Variants in SP100 observed in about 807,000 individuals in gnomAD.
SP100 encodes SP100 nuclear body protein.
In SP100, 84 loss-of-function variants were observed where a neutral mutation model predicts 130.0. That is an observed-to-expected ratio of 0.65 (90% CI 0.54 to 0.77). SP100 has a LOEUF of 0.77. SP100 is among the 30% of genes least tolerant of loss of function. SP100 has a pLI of 0.00. For synonymous variants in SP100, 331 were observed against 351.7 expected (o/e 0.94, Z 0.66); for missense variants, 978 against 1,052.2 (o/e 0.93, Z 0.97).
At chr2:230,443,165 C>G in intron 3 of SP100, 66 bp downstream of exon 3, 1 of 1,514,544 alleles carries the variant, frequency 6.6e-7, no homozygotes, top group Non-Finnish European at 9.1e-7. Flanking sequence ...CTTTGATATC[C>G]TAGACCAAAA....
chr2:230,502,290 G>A (rs1231445619), intron 19 of SP100, among the ~76,000 whole-genome samples: 4 of 152,178 alleles, frequency 2.6e-5, no homozygotes, highest in Non-Finnish European at 4.4e-5. Flanking sequence ...CATTGGGTTA[G>A]TTTTTAAGTC....
intron 17 of SP100, among the ~76,000 whole-genome samples, chr2:230,485,150 A>G (rs751139373): frequency 6.6e-6 from 1 of 151,278 alleles, no homozygotes. Flanking sequence ...ATGGGGTATC[A>G]CTATGTTGCC....
At chr2:230,423,894 C>T (rs535617195) in intron 2 of SP100, among the ~76,000 whole-genome samples, 1 of 152,246 alleles carries the variant, frequency 6.6e-6, no homozygotes, top group East Asian at 1.9e-4. Context: ...TTAAGATTTC[C>T]ATTTGTGAGA....
In SP100 at chr2:230,462,529, T is replaced by C. The variant is rs2064711066; in HGVS notation, c.1057+11T>C. Reference sequence around the variant, plus strand: ...CGAGAAGTGAGCCTGGTAAGGAAGTTTGGGAGAGCAAGGCTTGGGCTGTGG... The same window carrying C: ...CGAGAAGTGAGCCTGGTAAGGAAGTCTGGGAGAGCAAGGCTTGGGCTGTGG... On this transcript the variant is annotated intron_variant, in intron 10 of 28. Transcript: ENST00000340126. 3 of 1,604,536 alleles carry C rather than the reference T, an allele frequency of 1.9e-6. No homozygotes were observed. The highest frequency in any genetic ancestry group is 2.6e-6 in the Non-Finnish European group (3 of 1,171,608).
chr2:230,506,332 G>A lies in SP100; in HGVS notation c.1900G>A (p.Asp634Asn), dbSNP rs753762414. 11 of 1,613,784 alleles carry A rather than the reference G, an allele frequency of 6.8e-6. No individual in the cohort carries two copies. Among genetic ancestry groups the A allele is most frequent in the Non-Finnish European group, 8.5e-6 (10 of 1,179,820 alleles). The change falls in exon 22 of 29, where the codon GAT (aspartate) becomes AAT (asparagine). Residue 634 changes from aspartate to asparagine, a missense_variant. By Grantham distance (23) the Asp-to-Asn change is conservative (BLOSUM62 1). Coordinates refer to ENST00000340126, the MANE Select transcript of SP100 (RefSeq NM_001080391.2). ...CTCAAAGAAGTGTATACAGAGTGAG[G>A]ATAAAAAGTGGTTCACTCCCAGGGA... ...GTSKKCIQSE[D>N]KKWFTPREFE... is the part of the protein sequence containing the mutation.
In SP100 at chr2:230,470,117, C is replaced by T; in HGVS notation, c.1429+19C>T. 1 of 1,596,174 alleles carries T rather than the reference C, an allele frequency of 6.3e-7. No individual in the cohort carries two copies. The highest frequency in any genetic ancestry group is 8.5e-7 in the Non-Finnish European group (1 of 1,170,904). The stretch of plus-strand genomic sequence containing the variant: ...GGGTCAGGTAAAGAAGATTAGGATG[C>T]CAAGACTTGGCCTGCAGAATGTCAG... On this transcript the variant is annotated intron_variant, in intron 15 of 28. Transcript: ENST00000340126.
chr2:230,441,910 C>T (rs2063484898), intron 2 of SP100, among the ~76,000 whole-genome samples: 1 of 152,222 alleles, frequency 6.6e-6, no homozygotes, highest in Non-Finnish European at 1.5e-5. Context: ...TTGCAACTAG[C>T]ACTTTTCTGA....
chr2:230,517,224 A>C (rs1265400001), intron 24 of SP100, among the ~76,000 whole-genome samples: 1 of 152,200 alleles, frequency 6.6e-6, no homozygotes, highest in Non-Finnish European at 1.5e-5. Flanking sequence ...GGCCAAAAAA[A>C]CAATTTAGGA....
intron 7 of SP100, 125 bp downstream of exon 7, chr2:230,449,835 A>G: frequency 1.0e-6 from 1 of 973,680 alleles, no homozygotes. Context: ...TCACATAGAC[A>G]CAGAGGGGGC....
intron 4 of SP100, among the ~76,000 whole-genome samples, chr2:230,446,453 A>T (rs1034131339): frequency 6.6e-6 from 1 of 152,214 alleles, no homozygotes; most frequent in Admixed American, 6.5e-5. Flanking sequence ...CTGGCTGATT[A>T]TAAAAAAGTG....
intron 8 of SP100, among the ~76,000 whole-genome samples, chr2:230,452,716 GT>G (rs1421313968): frequency 1.3e-5 from 2 of 150,914 alleles, no homozygotes; most frequent in Non-Finnish European, 3.0e-5. Flanking sequence ...TTCTTGATAT[GT>G]TTTTCAGAGA....
At chr2:230,462,312 C>A in intron 9 of SP100, 123 bp from the exon 10 acceptor site, 1 of 687,852 alleles carries the variant, frequency 1.5e-6, no homozygotes, top group Non-Finnish European at 2.6e-6. Flanking sequence ...CAAGGAACAC[C>A]CCAGGGTCTT....
intron 13 of SP100, among the ~76,000 whole-genome samples, chr2:230,467,737 T>A (rs1035992707): frequency 3.9e-5 from 6 of 152,354 alleles, no homozygotes; most frequent in Middle Eastern, 3.4e-3. Flanking sequence ...ACATGGGAAT[T>A]CAAGATGAGA....
chr2:230,435,211 T>C (rs772664920), intron 2 of SP100, among the ~76,000 whole-genome samples: 4 of 152,200 alleles, frequency 2.6e-5, no homozygotes, highest in African/African-American at 4.8e-5. Flanking sequence ...ATCTAATGGG[T>C]GAGAAATGGT....
chr2:230,418,050 G>T (rs1054992470), intron 2 of SP100, among the ~76,000 whole-genome samples: 1 of 152,208 alleles, frequency 6.6e-6, no homozygotes, highest in African/African-American at 2.4e-5. Flanking sequence ...CTGTGTTAAG[G>T]TGGCAGATTC....
At chr2:230,459,246 A>G (rs1229694904) in intron 8 of SP100, among the ~76,000 whole-genome samples, 1 of 152,188 alleles carries the variant, frequency 6.6e-6, no homozygotes. Flanking sequence ...ATTGGTAGAG[A>G]GTGGATCATG....
chr2:230,490,442 A>C (rs996281926), intron 17 of SP100, among the ~76,000 whole-genome samples: 1 of 151,474 alleles, frequency 6.6e-6, no homozygotes, highest in Non-Finnish European at 1.5e-5. Context: ...TCTTGACTCT[A>C]TCCAGTTTGC....
intron 19 of SP100, among the ~76,000 whole-genome samples, chr2:230,501,692 C>T (rs1486721046): frequency 4.6e-5 from 7 of 152,064 alleles, no homozygotes; most frequent in Non-Finnish European, 8.8e-5. Context: ...GACCCAAATC[C>T]ACACCCTATG....
chr2:230,482,621 A>C (rs2065886256), intron 17 of SP100, among the ~76,000 whole-genome samples: 1 of 151,876 alleles, frequency 6.6e-6, no homozygotes, highest in African/African-American at 2.4e-5. Flanking sequence ...AATTTTTACC[A>C]ACCTGGATAA....
Sources: allele counts gnomAD v4.1 joint callset (sites outside exome capture counted in the v4.1 genomes callset), GRCh38; gene constraint gnomAD v4.1.1; transcripts MANE v1.5; gene names NCBI Gene and HGNC (gene_info 2026-07-23, HGNC 2026-07-21).